Variants in SYNPO observed in about 807,000 individuals in gnomAD.
SYNPO encodes the protein synaptopodin.
SYNPO carries 19 observed loss-of-function variants against 49.5 expected under a neutral mutation model. The ratio of observed to expected loss-of-function variants is 0.38; its 90% CI spans 0.27 to 0.56. The LOEUF (loss-of-function observed/expected upper bound fraction) is 0.56. Ranked by LOEUF, SYNPO falls within the 20% of genes least tolerant of loss-of-function variation. The pLI is 0.68. For synonymous variants in SYNPO, 536 were observed against 548.0 expected, an observed-to-expected ratio of 0.98 and a Z score of 0.31; for missense variants, 1,131 against 1,248.3, an observed-to-expected ratio of 0.91 and a Z score of 1.42.
In SYNPO at chr5:150,656,487, C is replaced by T. The variant is rs1406724501; in HGVS notation, c.2112C>T (p.Ser704=). The change falls in exon 3 of 3, where the codon AGC becomes AGT. Residue 704 remains serine (S), a synonymous_variant. Transcript: ENST00000307662. The stretch of plus-strand genomic sequence containing the variant: ...CCAGCAGCCTAGACGGCTGGGTGAG[C>T]CCGGGCCCGTGGGAGCCAGGTCGCG... ...RPPSSLDGWV[S]PGPWEPGRGS... 7.2e-6 allele frequency: 11 copies of T among 1,532,686 alleles called. No individual in the cohort carries two copies. In the South Asian group the frequency reaches 1.3e-4, roughly 18 times the overall value. 94.9% of individuals were successfully genotyped at this position (1,532,686 alleles called of 1,614,324 possible).
chr5:150,609,160 A>T (rs1028436944), intron 1 of SYNPO, among the ~76,000 whole-genome samples: 13 of 152,210 alleles, frequency 8.5e-5, no homozygotes, highest in Admixed American at 8.5e-4. Context: ...AATGTCCCTG[A>T]ATGCAGAGCT....
intron 2 of SYNPO, 128 bp from the exon 3 acceptor site, chr5:150,656,276 C>A: frequency 1.4e-6 from 1 of 736,370 alleles, no homozygotes; most frequent in Non-Finnish European, 2.1e-6. Context: ...ATTGCAGGCA[C>A]TACCTGACTT....
rs777702302 is a variant in SYNPO, at chr5:150,650,257, C to G, written c.1982C>G (p.Ala661Gly). The G allele has an allele frequency of 1.2e-6, 2 of 1,614,118 alleles. No homozygotes were observed. The highest frequency in any genetic ancestry group is 8.5e-7 in the Non-Finnish European group (1 of 1,180,054). ...SRAWSPRAKQ[A>G]PRPSFSTRNA... Reference sequence around the variant, plus strand: ...GCGTGGTCTCCCCGAGCCAAGCAGGCCCCCAGGCCCTCCTTCTCTACCCGG... The same window carrying G: ...GCGTGGTCTCCCCGAGCCAAGCAGGGCCCCAGGCCCTCCTTCTCTACCCGG... The change falls in exon 2 of 3, where the codon GCC (alanine) becomes GGC (glycine). Residue 661 changes from alanine (A) to glycine (G), a missense_variant. Ala to Gly is a moderately conservative substitution (Grantham distance 60, BLOSUM62 0). Around this residue, in one of 4 missense-constraint regions of SYNPO, gnomAD observed 509 missense variants for 484.5 expected, o/e 1.05. Coordinates refer to ENST00000307662, the MANE Select transcript of SYNPO (RefSeq NM_007286.6).
chr5:150,593,955 GC>G, the SYNPO span, among the ~76,000 whole-genome samples: 1 of 152,192 alleles, frequency 6.6e-6, no homozygotes, highest in South Asian at 2.1e-4. Context: ...CTCTGGCAGT[GC>G]TTGGTTCTGG....
chr5:150,589,045 C>G, the SYNPO span, among the ~76,000 whole-genome samples: 1 of 148,840 alleles, frequency 6.7e-6, no homozygotes, highest in South Asian at 2.1e-4. Flanking sequence ...ATTCTCTGTT[C>G]CAGTGTATGC....
At chr5:150,631,488 G>C (rs1757535180) in intron 2 of SYNPO, among the ~76,000 whole-genome samples, 1 of 152,220 alleles carries the variant, frequency 6.6e-6, no homozygotes, top group Admixed American at 6.5e-5. Flanking sequence ...TAGAAAGAGG[G>C]TCAGCATGGC....
chr5:150,604,814 C>G (rs527664033), intron 1 of SYNPO, among the ~76,000 whole-genome samples: 1 of 152,172 alleles, frequency 6.6e-6, no homozygotes, highest in Non-Finnish European at 1.5e-5. Context: ...GCTGATAGCT[C>G]TGCTGGCTTA....
chr5:150,602,997 G>GGGGGGGGTGTGT (rs1554106602), intron 1 of SYNPO, among the ~76,000 whole-genome samples: 2 of 131,184 alleles, frequency 1.5e-5, no homozygotes, highest in African/African-American at 5.9e-5. Context: ...GCCACCTTAG[G>GGGGGGGGTGTGT]GTGTGTGTGT....
chr5:150,605,759 T>C (rs62380574), intron 1 of SYNPO, among the ~76,000 whole-genome samples: 91 of 142,224 alleles, frequency 6.4e-4, no homozygotes, highest in East Asian at 6.3e-3. Flanking sequence ...CACACACACA[T>C]ACACACACAC....
intron 1 of SYNPO, among the ~76,000 whole-genome samples, chr5:150,616,328 A>T (rs1018092974): frequency 2.0e-5 from 3 of 152,200 alleles, no homozygotes; most frequent in African/African-American, 7.2e-5. Context: ...AATTTTCAGG[A>T]TTCTCACTGC....
In SYNPO at chr5:150,649,668, C is replaced by A. The variant is rs1461499563; in HGVS notation, c.1393C>A (p.Pro465Thr). ...CAAGTCACCCCGCATCCAGGCCAAG[C>A]CGAAGCCCAAACCCAACCAGAACCT... Reference protein sequence around the residue: ...CLKSPRIQAKPKPKPNQNLSE... With the variant: ...CLKSPRIQAKTKPKPNQNLSE... Residue 465 changes from proline to threonine, a missense_variant, in exon 2 of 3, where the codon CCG becomes ACG. Coordinates refer to ENST00000307662, the MANE Select transcript of SYNPO (RefSeq NM_007286.6). The A allele has an allele frequency of 6.2e-7, 1 of 1,610,270 alleles. No homozygotes were observed. Among genetic ancestry groups the A allele is most frequent in the African/African-American group, 1.3e-5 (1 of 74,928 alleles).
At chr5:150,606,316 C>T (rs566167512) in intron 1 of SYNPO, among the ~76,000 whole-genome samples, 5 of 152,226 alleles carry the variant, frequency 3.3e-5, no homozygotes, top group Non-Finnish European at 5.9e-5. Context: ...AGTCTCAACC[C>T]CCTCACTGCA....
upstream of SYNPO, among the ~76,000 whole-genome samples, chr5:150,600,235 A>G (rs1756497038): frequency 6.6e-6 from 1 of 152,230 alleles, no homozygotes; most frequent in Admixed American, 6.5e-5. Context: ...GCCGGCCTGA[A>G]GGGGATTTCC....
chr5:150,600,442 AAAG>A (rs1756501304), upstream of SYNPO, among the ~76,000 whole-genome samples: 1 of 152,200 alleles, frequency 6.6e-6, no homozygotes, highest in African/African-American at 2.4e-5. Flanking sequence ...CCTCCTGTTG[AAAG>A]AAGAAGGCAC....
At chr5:150,599,501 G>T (rs1348919839), upstream of SYNPO, among the ~76,000 whole-genome samples, 1 of 152,226 alleles carries the variant, frequency 6.6e-6, no homozygotes, top group Non-Finnish European at 1.5e-5. Context: ...GACCCGCACT[G>T]GCTCTGGAGT....
rs760483051 is a variant in SYNPO at position 150,657,083 on chromosome 5, C to A, written c.2708C>A (p.Thr903Asn). The part of the protein sequence containing the change: ...GSLPAEASCT[T>N] ...CTCCCCGCCGAGGCCTCCTGCACCA[C>A]CTAGAGCCCCACCCCCGACCCCACC... Residue 903 changes from threonine to asparagine, a missense_variant, in exon 3 of 3, where the codon ACC (threonine) becomes AAC (asparagine). Physicochemically the swap from Thr to Asn is moderately conservative, Grantham distance 65. This residue lies in a region of SYNPO where 509 missense variants were observed against 484.5 expected (regional missense o/e 1.05). Coordinates refer to ENST00000307662, the MANE Select transcript of SYNPO (RefSeq NM_007286.6). 1.0e-5 allele frequency: 16 copies of A among 1,583,698 alleles called. No individual in the cohort carries two copies. The African/African-American group carries it at 2.0e-4, about 20-fold the overall frequency.
chr5:150,623,959 C>T (rs1025068516), intron 2 of SYNPO, among the ~76,000 whole-genome samples: 3 of 152,200 alleles, frequency 2.0e-5, no homozygotes, highest in Admixed American at 6.5e-5. Flanking sequence ...CCCACCAGCT[C>T]GTGCCCTCAA....
chr5:150,633,291 C>T (rs1757601345), intron 2 of SYNPO, among the ~76,000 whole-genome samples: 1 of 152,194 alleles, frequency 6.6e-6, no homozygotes, highest in African/African-American at 2.4e-5. Context: ...TTAGAGGAAA[C>T]TGAGGCTCCG....
At position 150,656,811 on chromosome 5, in the gene SYNPO, G is replaced by C. The variant is rs1442065633; in HGVS notation, c.2436G>C (p.Ser812=). Reference sequence around the variant, plus strand: ...CGCCACAGCCCGCCCGCCCCGGCTCGGCTGCTGTGCCGGGGGCAGCCTTCG... The same window carrying C: ...CGCCACAGCCCGCCCGCCCCGGCTCCGCTGCTGTGCCGGGGGCAGCCTTCG... ...MRSPQPARPG[S]AAVPGAAFAP... The change falls in exon 3 of 3, where the codon TCG becomes TCC. Residue 812 remains serine (S), a synonymous_variant. Coordinates refer to ENST00000307662, the MANE Select transcript of SYNPO (RefSeq NM_007286.6). 247 of 1,446,312 alleles carry C rather than the reference G, an allele frequency of 1.7e-4. No individual in the cohort carries two copies. Among genetic ancestry groups the C allele is most frequent in the Non-Finnish European group, 2.1e-4 (237 of 1,102,844 alleles). The allele number at this position is 1,446,312 out of a possible 1,614,324, so 89.6% of individuals were successfully genotyped here. A position where few individuals can be genotyped will look rare whatever the true frequency, so the allele number is the denominator to read the frequency against.
Sources: gnomAD v4.1 joint callset for allele counts (sites outside exome capture counted in the v4.1 genomes callset) on GRCh38, gnomAD v4.1.1 for gene constraint, gnomAD v4.1.1 regional missense constraint, MANE v1.5 for transcripts, NCBI Gene and HGNC (gene_info 2026-07-23, HGNC 2026-07-21) for gene names.